The following USP24 variants were observed in gnomAD, a reference collection of about 807,000 sequenced individuals.
USP24 encodes the protein ubiquitin specific peptidase 24.
A neutral mutation model predicts 361.6 loss-of-function variants in USP24; 97 were observed. The observed-to-expected ratio is 0.27, with a 90% CI of 0.23 to 0.32. The LOEUF is 0.32. Among genes scored for constraint, USP24 ranks in the 10% least tolerant of loss-of-function variants. USP24 has a pLI of 1.00. For missense variants in USP24, 2,353 were observed against 3,165.6 expected (o/e 0.74, Z 6.16); for synonymous variants, 1,098 against 1,124.6 (o/e 0.98, Z 0.47).
chr1:55,100,954 G>A lies in USP24; in HGVS notation c.5156C>T (p.Ser1719Leu). ...MQPGLPESLLSVDDDTDNPDD... is the reference protein window; with the variant it reads ...MQPGLPESLLLVDDDTDNPDD... ...TGGATTGTCTGTGTCATCATCCACT[G>A]AAAGTAATGACTGCACAGAAAAGAA... The change falls in exon 44 of 68, where the codon TCA becomes TTA. Residue 1719 changes from serine (S) to leucine (L), a missense_variant. Transcript: ENST00000294383. 6.2e-7 allele frequency: 1 copy of A among 1,610,228 alleles called. No individual in the cohort carries two copies. Among genetic ancestry groups the A allele is most frequent in the Non-Finnish European group, 8.5e-7 (1 of 1,178,936 alleles).
intron 63 of USP24, among the ~76,000 whole-genome samples, chr1:55,074,642 A>ATAAG (rs1377379600): frequency 5.9e-5 from 8 of 135,558 alleles, no homozygotes; most frequent in Non-Finnish European, 1.3e-4. Context: ...TCAAAAATAA[A>ATAAG]TAAATAAATA....
At chr1:55,161,687 C>T (rs17403634) in intron 8 of USP24, among the ~76,000 whole-genome samples, 16,417 of 152,178 alleles carry the variant, frequency 0.11, 1,072 homozygotes, top group Non-Finnish European at 0.15. Flanking sequence ...GCAGAATAGG[C>T]TTTTAGCATT....
intron 1 of USP24, among the ~76,000 whole-genome samples, chr1:55,214,438 CAA>C (rs887484526): frequency 2.6e-5 from 4 of 151,942 alleles, no homozygotes; most frequent in Non-Finnish European, 5.9e-5. Flanking sequence ...ACTATATGCT[CAA>C]GTGTCTGTCC....
chr1:55,185,413 A>G (rs1236227400), intron 1 of USP24, among the ~76,000 whole-genome samples: 1 of 151,906 alleles, frequency 6.6e-6, no homozygotes, highest in Non-Finnish European at 1.5e-5. Context: ...AAATAAATAA[A>G]TTTAAAAATA....
At chr1:55,070,710 G>A (rs1537399) in intron 67 of USP24, among the ~76,000 whole-genome samples, 5,492 of 144,118 alleles carry the variant, frequency 0.038, 319 homozygotes, top group African/African-American at 0.13. Flanking sequence ...CTTTGACAGG[G>A]CAGAAGAGAG....
chr1:55,179,941 T>A (rs1440704060), intron 1 of USP24, among the ~76,000 whole-genome samples: 1 of 152,240 alleles, frequency 6.6e-6, no homozygotes, highest in African/African-American at 2.4e-5. Flanking sequence ...ACGTTAACCT[T>A]AAAATCTTCA....
chr1:55,152,515 A>G (rs751355992), intron 16 of USP24, among the ~76,000 whole-genome samples: 2 of 152,204 alleles, frequency 1.3e-5, no homozygotes, highest in African/African-American at 2.4e-5. Context: ...CTGAGAAGAC[A>G]AGACCATTTT....
In USP24 at chr1:55,166,647, T is replaced by C. The variant is rs755146479; in HGVS notation, c.826-44A>G. ...AAAATTGAGATGGCAATATAAAAGC[T>C]TCCCCATTAACCCTTACATTTCTTT... On this transcript the variant is annotated intron_variant, in intron 5 of 67. Coordinates refer to ENST00000294383, the MANE Select transcript of USP24 (RefSeq NM_015306.3). 8.0e-6 allele frequency: 12 copies of C among 1,508,182 alleles called. No individual in the cohort carries two copies. In the Admixed American group the frequency reaches 1.6e-4, roughly 20 times the overall value. 93.4% of individuals were successfully genotyped at this position (1,508,182 alleles called of 1,614,324 possible). A position where few individuals can be genotyped will look rare whatever the true frequency, so the allele number is the denominator to read the frequency against.
Position 55,078,630 on chromosome 1 carries a change from G to C in USP24, c.7222C>G (p.Leu2408Val). The C allele has an allele frequency of 6.2e-7, 1 of 1,608,632 alleles. No individual in the cohort carries two copies. Among genetic ancestry groups the C allele is most frequent in the Non-Finnish European group, 8.5e-7 (1 of 1,178,596 alleles). Residue 2408 changes from leucine to valine, a missense_variant, in exon 61 of 68, where the codon CTG becomes GTG. Physicochemically the swap from Leu to Val is conservative, Grantham distance 32. This residue lies in a region of USP24 where 598 missense variants were observed against 761.9 expected (regional missense o/e 0.78). Transcript: ENST00000294383. ...ATGAGTGCCAAGAGCGAGCCTGTCA[G>C]CTCCCGCAAAGCAAACATTACCTGG... is the stretch of plus-strand genomic sequence containing the variant. Reference protein sequence around the residue: ...LLEVMFALRELTGSLLALIEM... With the variant: ...LLEVMFALREVTGSLLALIEM...
intron 17 of USP24, among the ~76,000 whole-genome samples, 175 bp from the exon 18 acceptor site, chr1:55,147,973 A>G (rs1647077885): frequency 6.6e-6 from 1 of 152,182 alleles, no homozygotes; most frequent in African/African-American, 2.4e-5. Context: ...ATGTACATTT[A>G]CTAGAAAATT....
At chr1:55,096,672 C>T in intron 49 of USP24, 50 bp from the exon 50 acceptor site, 5 of 1,578,352 alleles carry the variant, frequency 3.2e-6, no homozygotes, top group Non-Finnish European at 4.3e-6. Flanking sequence ...AAATCAACCT[C>T]CTCATCCTTA....
At chr1:55,092,256 T>A in intron 53 of USP24, 130 bp from the exon 54 acceptor site, 2 of 513,542 alleles carry the variant, frequency 3.9e-6, no homozygotes, top group Non-Finnish European at 6.5e-6. Flanking sequence ...AGTTAAATAC[T>A]AATAAGAAGA....
At position 55,137,653 on chromosome 1, in the gene USP24, T is replaced by G; in HGVS notation, c.3063A>C (p.Gln1021His). 1 of 1,613,148 alleles carries G rather than the reference T, an allele frequency of 6.2e-7. No individual in the cohort carries two copies. The change falls in exon 28 of 68, where the codon CAA becomes CAC. Residue 1021 changes from glutamine to histidine, a missense_variant. Transcript: ENST00000294383. ...GGATTTGTTCATCAGAAAAGCCCAG[T>G]TGGTGGAGTAGCTTTTGATCTTTAT... Reference protein sequence around the residue: ...TVNKDQKLLHQLGFSDEQILT... With the variant: ...TVNKDQKLLHHLGFSDEQILT...
chr1:55,183,973 G>C (rs1644051733), intron 1 of USP24, among the ~76,000 whole-genome samples: 1 of 152,098 alleles, frequency 6.6e-6, no homozygotes, highest in Non-Finnish European at 1.5e-5. Context: ...AAGAGAGCAG[G>C]GGTGACTACA....
At chr1:55,148,989 G>C (rs1415117845) in intron 16 of USP24, among the ~76,000 whole-genome samples, 1 of 152,168 alleles carries the variant, frequency 6.6e-6, no homozygotes, top group East Asian at 1.9e-4. Context: ...TGCTTTCTAT[G>C]ATTATATGAC....
At chr1:55,205,962 A>G (rs1161330037) in intron 1 of USP24, among the ~76,000 whole-genome samples, 1 of 152,230 alleles carries the variant, frequency 6.6e-6, no homozygotes, top group Admixed American at 6.5e-5. Flanking sequence ...TTTTAGATCT[A>G]GTCTAAGATG....
chr1:55,175,778 C>T (rs1372172008), intron 3 of USP24, among the ~76,000 whole-genome samples: 1 of 152,188 alleles, frequency 6.6e-6, no homozygotes, highest in Non-Finnish European at 1.5e-5. Flanking sequence ...GAGGCTGATT[C>T]AGTCTGTTTT....
chr1:55,141,106 TATG>T, intron 24 of USP24, among the ~76,000 whole-genome samples: 1 of 152,210 alleles, frequency 6.6e-6, no homozygotes, highest in East Asian at 1.9e-4. Flanking sequence ...TTTTAGTGAC[TATG>T]ATTATAGTCA....
At chr1:55,201,367 C>G (rs537178246) in intron 1 of USP24, among the ~76,000 whole-genome samples, 1 of 151,506 alleles carries the variant, frequency 6.6e-6, no homozygotes, top group African/African-American at 2.4e-5. Context: ...CTTTGGGAGG[C>G]CAAGGCAGGT....
Sources: gnomAD v4.1 joint callset for allele counts (sites outside exome capture counted in the v4.1 genomes callset) on GRCh38, gnomAD v4.1.1 for gene constraint, gnomAD v4.1.1 regional missense constraint, MANE v1.5 for transcripts, NCBI Gene and HGNC (gene_info 2026-07-23, HGNC 2026-07-21) for gene names.